NEK1: variants seen among roughly 807,000 people sequenced by gnomAD.
NEK1 encodes NIMA related kinase 1.
In NEK1, 137 loss-of-function variants were observed where a neutral mutation model predicts 182.1. The ratio of observed to expected loss-of-function variants is 0.75; its 90% confidence interval spans 0.65 to 0.87. The LOEUF is 0.87. NEK1 is among the 40% of genes least tolerant of loss of function. NEK1 has a pLI of 0.00. For synonymous variants in NEK1, 513 were observed against 492.2 expected (o/e 1.04, Z -0.56); for missense variants, 1,391 against 1,494.4 (o/e 0.93, Z 1.14).
chr4:169,610,195 T>G (rs2150171123), intron 2 of NEK1, among the ~76,000 whole-genome samples: 1 of 152,130 alleles, frequency 6.6e-6, no homozygotes, highest in African/African-American at 2.4e-5. Flanking sequence ...AGAGACGGGG[T>G]TTCGCCATAC....
intron 31 of NEK1, among the ~76,000 whole-genome samples, chr4:169,414,987 G>A (rs1413844460): frequency 6.6e-6 from 1 of 152,122 alleles, no homozygotes; most frequent in Non-Finnish European, 1.5e-5. Flanking sequence ...TCCATTATAG[G>A]TTATCAATTG....
At chr4:169,480,293 C>T (rs1747737468) in intron 23 of NEK1, among the ~76,000 whole-genome samples, 1 of 151,810 alleles carries the variant, frequency 6.6e-6, no homozygotes, top group African/African-American at 2.4e-5. Flanking sequence ...GCTTCTAGAC[C>T]TTCACTTTAC....
chr4:169,581,055 A>AG lies in NEK1; in HGVS notation c.808-154_808-153insC, dbSNP rs1008115616. On this transcript the variant is annotated intron_variant, in intron 10 of 35. Coordinates refer to ENST00000507142, the MANE Select transcript of NEK1 (RefSeq NM_001199397.3). Reference sequence around the variant, plus strand: ...CCAAGTTGTTAAAAAAAAAAAAAAAAAAAAAAAAGAAGCCCAGGTGTCGTG... The same window carrying AG: ...CCAAGTTGTTAAAAAAAAAAAAAAAAGAAAAAAAAGAAGCCCAGGTGTCGTG... Among the ~76,000 whole-genome samples, 4 of 150,340 alleles carry AG rather than the reference A, an allele frequency of 2.7e-5. No homozygotes were observed. In the South Asian group the frequency reaches 6.3e-4, roughly 24 times the overall value.
At chr4:169,596,696 C>CA (rs1371704464) in intron 5 of NEK1, among the ~76,000 whole-genome samples, 1 of 152,118 alleles carries the variant, frequency 6.6e-6, no homozygotes, top group African/African-American at 2.4e-5. Flanking sequence ...TAGAAAGGGA[C>CA]AAAATCATCT....
intron 31 of NEK1, among the ~76,000 whole-genome samples, chr4:169,417,197 G>C (rs1051870605): frequency 6.6e-6 from 1 of 152,136 alleles, no homozygotes; most frequent in South Asian, 2.1e-4. Flanking sequence ...GTAACAGCAA[G>C]TGCAAACTCT....
chr4:169,461,775 T>C (rs145966819), intron 27 of NEK1, among the ~76,000 whole-genome samples: 4 of 152,294 alleles, frequency 2.6e-5, no homozygotes, highest in Admixed American at 2.6e-4. Flanking sequence ...GGGTACTTTT[T>C]ATTCTTGTCC....
Position 169,609,957 on chromosome 4 carries a change from A to G in NEK1, c.-49+2063T>C, listed in dbSNP as rs570394276. 2.6e-5 allele frequency among the ~76,000 whole-genome samples: 4 copies of G among 152,256 alleles called. No homozygotes were observed. The East Asian group carries it at 7.7e-4, about 29-fold the overall frequency. ...CAAGTATATGAACTATGCTCCAGAA[A>G]AAAGTACCTCAGCCTCTAGTCAAAT... On this transcript the variant is annotated intron_variant, in intron 2 of 35. Coordinates refer to ENST00000507142, the MANE Select transcript of NEK1 (RefSeq NM_001199397.3).
intron 31 of NEK1, among the ~76,000 whole-genome samples, chr4:169,421,605 T>C (rs1016985646): frequency 5.3e-5 from 8 of 152,198 alleles, no homozygotes; most frequent in Middle Eastern, 3.4e-3. Flanking sequence ...GTGCCCACGC[T>C]CTCTCCCTCT....
chr4:169,513,790 T>C (rs1430007275), intron 19 of NEK1, among the ~76,000 whole-genome samples: 1 of 152,122 alleles, frequency 6.6e-6, no homozygotes, highest in Non-Finnish European at 1.5e-5. Context: ...TGGGTGCTGA[T>C]TTTTTTCAAA....
chr4:169,447,733 G>T (rs957732313), intron 27 of NEK1, among the ~76,000 whole-genome samples: 1 of 152,090 alleles, frequency 6.6e-6, no homozygotes, highest in African/African-American at 2.4e-5. Flanking sequence ...GCCAGGTGTG[G>T]TGGCACACAC....
At chr4:169,500,703 C>T (rs1160077428) in intron 23 of NEK1, among the ~76,000 whole-genome samples, 2 of 152,158 alleles carry the variant, frequency 1.3e-5, no homozygotes, top group Admixed American at 6.5e-5. Context: ...TTTTCCCAGA[C>T]AAGCAATTGC....
chr4:169,491,945 T>C (rs1362230211), intron 23 of NEK1, among the ~76,000 whole-genome samples: 2 of 152,236 alleles, frequency 1.3e-5, no homozygotes, highest in Non-Finnish European at 2.9e-5. Flanking sequence ...CTATTATTAC[T>C]ATAAGATGCT....
Position 169,479,454 on chromosome 4 carries a change from T to A in NEK1, c.2088A>T (p.Gln696His). ...QHETGGSPSKQQMRSVISVTS... is the reference protein window; with the variant it reads ...QHETGGSPSKHQMRSVISVTS... ...TTACAGAAATAACAGATCTCATCTG[T>A]TGCTTTGATGGAGAGCCACCTGTTT... The change falls in exon 24 of 36, where the codon CAA becomes CAT. Residue 696 changes from glutamine (Q) to histidine (H), a missense_variant. Physicochemically the swap from Gln to His is conservative, Grantham distance 24. Transcript: ENST00000507142. The A allele has an allele frequency of 6.2e-7, 1 of 1,612,460 alleles. No individual in the cohort carries two copies. Among genetic ancestry groups the A allele is most frequent in the Non-Finnish European group, 8.5e-7 (1 of 1,179,236 alleles).
At chr4:169,430,969 G>A in intron 29 of NEK1, among the ~76,000 whole-genome samples, 1 of 151,050 alleles carries the variant, frequency 6.6e-6, no homozygotes. Flanking sequence ...AGCCAATACA[G>A]CAAAAGACTA....
chr4:169,591,800 T>C (rs1008436136), intron 5 of NEK1, among the ~76,000 whole-genome samples: 1 of 152,154 alleles, frequency 6.6e-6, no homozygotes, highest in African/African-American at 2.4e-5. Flanking sequence ...GTTGACTACA[T>C]ACAATTTAAA....
In NEK1 at chr4:169,539,817, T is replaced by C. The variant is rs140903462; in HGVS notation, c.1563-1906A>G. 1.5e-3 allele frequency among the ~76,000 whole-genome samples: 224 copies of C among 152,200 alleles called. 1 individual carries two copies. Among genetic ancestry groups the C allele is most frequent in the African/African-American group, 5.0e-3 (207 of 41,532 alleles). On this transcript the variant is annotated intron_variant, in intron 18 of 35. Coordinates refer to ENST00000507142, the MANE Select transcript of NEK1 (RefSeq NM_001199397.3). ...AGATAGGTGATCTCTCTGCTGTGTA[T>C]CCTGATTGTATCAACTTCCTTCTCT...
Position 169,401,853 on chromosome 4 carries a change from C to T in NEK1, c.3382G>A (p.Glu1128Lys). 6.2e-7 allele frequency: 1 copy of T among 1,603,344 alleles called. No homozygotes were observed. The highest frequency in any genetic ancestry group is 8.5e-7 in the Non-Finnish European group (1 of 1,174,290). Reference protein sequence around the residue: ...GPSDSEDIVFEETDTDLQELQ... With the variant: ...GPSDSEDIVFKETDTDLQELQ... ...TCTTGTAAATCTGTGTCAGTTTCTT[C>T]AAACACACTGAAATTTAAAAAGTAT... The change falls in exon 33 of 36, where the codon GAA (glutamate) becomes AAA (lysine). Residue 1128 changes from glutamate (E) to lysine (K), a missense_variant. By Grantham distance (56) the Glu-to-Lys change is moderately conservative (BLOSUM62 1). Transcript: ENST00000507142.
chr4:169,599,042 A>C, intron 5 of NEK1, 58 bp downstream of exon 5: 1 of 1,348,014 alleles, frequency 7.4e-7, no homozygotes, highest in Non-Finnish European at 1.1e-6. Context: ...CACATAAACA[A>C]ATTTTGAACT....
At chr4:169,445,849 CATAT>C (rs70964204) in intron 27 of NEK1, among the ~76,000 whole-genome samples, 2 of 140,172 alleles carry the variant, frequency 1.4e-5, no homozygotes, top group Non-Finnish European at 3.0e-5. Context: ...CAACTATATA[CATAT>C]ATATATATAT....
Sources: allele counts gnomAD v4.1 joint callset (sites outside exome capture counted in the v4.1 genomes callset), GRCh38; gene constraint gnomAD v4.1.1; transcripts MANE v1.5; gene names NCBI Gene and HGNC (gene_info 2026-07-23, HGNC 2026-07-21).